Variants in KAT2B observed in about 807,000 individuals in gnomAD.
KAT2B encodes lysine acetyltransferase 2B, also known as histone acetyltransferase KAT2B.
In KAT2B, 36 loss-of-function variants were observed where a neutral mutation model predicts 105.9. The ratio of observed to expected loss-of-function variants is 0.34; its 90% CI spans 0.26 to 0.45. The LOEUF is 0.45. Ranked by LOEUF, KAT2B falls within the 20% of genes least tolerant of loss-of-function variation. The pLI, the probability that KAT2B is intolerant of heterozygous loss-of-function variation, is 1.00. For synonymous variants in KAT2B, 397 were observed against 377.9 expected, an observed-to-expected ratio of 1.05 and a Z score of -0.59; for missense variants, 820 against 1,021.6, an observed-to-expected ratio of 0.80 and a Z score of 2.69.
intron 1 of KAT2B, among the ~76,000 whole-genome samples, chr3:20,065,568 ACT>A (rs1698208769): frequency 6.9e-6 from 1 of 144,510 alleles, no homozygotes; most frequent in Non-Finnish European, 1.6e-5. Flanking sequence ...AAGAGCATTG[ACT>A]GTTTTTTAAA....
At position 20,146,442 on chromosome 3, in the gene KAT2B, CCTT is replaced by C. The variant is rs1422966595; in HGVS notation, c.2119+16_2119+18del. 3 of 1,514,150 alleles carry C rather than the reference CCTT, an allele frequency of 2.0e-6. No individual in the cohort carries two copies. Among genetic ancestry groups the C allele is most frequent in the Non-Finnish European group, 2.7e-6 (3 of 1,103,296 alleles). 93.8% of individuals were successfully genotyped at this position (1,514,150 alleles called of 1,614,324 possible). ...CATTCCTGGAATTAGTACGTATAGA[CCTT>C]CTTTTAAAAGCGAAATTTTTTAGTA... On this transcript the variant is annotated intron_variant, in intron 14 of 17. Coordinates refer to ENST00000263754, the MANE Select transcript of KAT2B (RefSeq NM_003884.5).
chr3:20,127,224 A>T (rs1330670478), intron 10 of KAT2B, among the ~76,000 whole-genome samples, 199 bp from the exon 11 acceptor site: 2 of 152,116 alleles, frequency 1.3e-5, no homozygotes, highest in African/African-American at 2.4e-5. Flanking sequence ...GGGAGTGCTG[A>T]TGACATCTTG....
Position 20,100,818 on chromosome 3 carries a change from A to T in KAT2B, c.670-469A>T, listed in dbSNP as rs184450164. 2.0e-5 allele frequency among the ~76,000 whole-genome samples: 3 copies of T among 152,332 alleles called. No homozygotes were observed. The East Asian group carries it at 5.8e-4, about 29-fold the overall frequency. ...TTATTGACTTCAAACAAATGATAGT[A>T]AAGAGTTTAAATTTTAGTTGTTTAG... is the stretch of plus-strand genomic sequence containing the variant. On this transcript the variant is annotated intron_variant, in intron 4 of 17. Transcript: ENST00000263754.
At chr3:20,081,367 T>A (rs73822403) in intron 2 of KAT2B, among the ~76,000 whole-genome samples, 10,831 of 152,174 alleles carry the variant, frequency 0.071, 440 homozygotes, top group East Asian at 0.2. Flanking sequence ...TGCTTCCTGT[T>A]CTCAGCAAGG....
intron 7 of KAT2B, 79 bp from the exon 8 acceptor site, chr3:20,119,519 G>A: frequency 6.7e-7 from 1 of 1,497,518 alleles, no homozygotes; most frequent in East Asian, 2.3e-5. Flanking sequence ...GAGTGGGGTG[G>A]TCCCATGTGC....
At chr3:20,066,642 C>G (rs1012817078) in intron 1 of KAT2B, among the ~76,000 whole-genome samples, 5 of 151,606 alleles carry the variant, frequency 3.3e-5, no homozygotes, top group African/African-American at 9.7e-5. Flanking sequence ...CATGTGTGAT[C>G]CTCCCACCTC....
chr3:20,148,161 G>A (rs1221846433), intron 15 of KAT2B, 82 bp from the exon 16 acceptor site: 2 of 1,414,212 alleles, frequency 1.4e-6, no homozygotes, highest in East Asian at 4.6e-5. Context: ...TCAGGTTTTT[G>A]TAAGAATGAG....
chr3:20,144,276 CTTTTTTTTTTTTTTTTTT>C (rs761735374), intron 13 of KAT2B, among the ~76,000 whole-genome samples: 4 of 89,394 alleles, frequency 4.5e-5, no homozygotes, highest in Non-Finnish European at 8.7e-5. Flanking sequence ...CCTTGGGATT[CTTTTTTTTTTTTTTTTTT>C]TTTTTTTTTT....
intron 9 of KAT2B, 142 bp from the exon 10 acceptor site, chr3:20,125,763 G>A (rs1699391209): frequency 1.5e-6 from 1 of 656,012 alleles, no homozygotes; most frequent in East Asian, 2.6e-5. Context: ...GTGTGTATGT[G>A]TGCACACATG....
chr3:20,042,405 A>G (rs1697735756), intron 1 of KAT2B, among the ~76,000 whole-genome samples: 1 of 152,214 alleles, frequency 6.6e-6, no homozygotes, highest in African/African-American at 2.4e-5. Context: ...TAGTAGGCAG[A>G]AGGGCGAGCT....
intron 3 of KAT2B, among the ~76,000 whole-genome samples, chr3:20,096,511 A>G (rs998349250): frequency 6.6e-6 from 1 of 152,230 alleles, no homozygotes; most frequent in African/African-American, 2.4e-5. Flanking sequence ...ATTATGTTGT[A>G]TTGTGTAACC....
intron 17 of KAT2B, among the ~76,000 whole-genome samples, chr3:20,150,828 G>A (rs993961098): frequency 6.6e-6 from 1 of 152,122 alleles, no homozygotes; most frequent in African/African-American, 2.4e-5. Flanking sequence ...AGTTCGAAAA[G>A]CTTTTGGACA....
chr3:20,127,607 C>T, intron 11 of KAT2B, 58 bp downstream of exon 11: 1 of 1,519,820 alleles, frequency 6.6e-7, no homozygotes, highest in Non-Finnish European at 9.0e-7. Context: ...CTCACTAAGG[C>T]CTGCAGAGCT....
chr3:20,128,571 GT>G (rs1387432748), intron 11 of KAT2B, among the ~76,000 whole-genome samples: 1 of 152,118 alleles, frequency 6.6e-6, no homozygotes, highest in East Asian at 1.9e-4. Flanking sequence ...CTGTGTCCAT[GT>G]TTTATTGGTA....
At chr3:20,101,492 C>T (rs779579225) in intron 5 of KAT2B, 24 bp downstream of exon 5, 2 of 1,607,396 alleles carry the variant, frequency 1.2e-6, no homozygotes, top group African/African-American at 1.3e-5. Flanking sequence ...AGTTCTTTTC[C>T]TTTGGCCCCA....
chr3:20,063,782 C>T (rs1164576114), intron 1 of KAT2B, among the ~76,000 whole-genome samples: 1 of 151,612 alleles, frequency 6.6e-6, no homozygotes, highest in East Asian at 1.9e-4. Flanking sequence ...ACCTCGTGAT[C>T]CAACTGCTTC....
At chr3:20,064,662 A>T (rs991849008) in intron 1 of KAT2B, among the ~76,000 whole-genome samples, 1 of 152,214 alleles carries the variant, frequency 6.6e-6, no homozygotes, top group Non-Finnish European at 1.5e-5. Flanking sequence ...CAAGTCTCTT[A>T]TCACCTAGAG....
chr3:20,097,835 C>G (rs948776186), intron 3 of KAT2B, among the ~76,000 whole-genome samples: 12 of 151,594 alleles, frequency 7.9e-5, no homozygotes, highest in African/African-American at 2.9e-4. Flanking sequence ...TGCATCTGGC[C>G]CATGATTTTT....
intron 13 of KAT2B, among the ~76,000 whole-genome samples, chr3:20,144,800 C>CTT (rs201923590): frequency 6.9e-6 from 1 of 144,160 alleles, no homozygotes; most frequent in African/African-American, 2.5e-5. Context: ...CTTTCTTTTT[C>CTT]TTTTTTTTTT....
Sources: allele counts gnomAD v4.1 joint callset (sites outside exome capture counted in the v4.1 genomes callset), GRCh38; gene constraint gnomAD v4.1.1; transcripts MANE v1.5; gene names NCBI Gene and HGNC (gene_info 2026-07-23, HGNC 2026-07-21).